The following CDH26 variants were observed in gnomAD, a reference collection of about 807,000 sequenced individuals.
CDH26 encodes the protein cadherin 26, also known as cadherin-like protein 26.
In CDH26, 83 loss-of-function variants were observed where a neutral mutation model predicts 90.3. The observed-to-expected ratio is 0.92, with a 90% CI of 0.77 to 1.10. CDH26 has a LOEUF of 1.10. Among genes scored for constraint, CDH26 ranks in the 50% least tolerant of loss-of-function variants. The probability of loss-of-function intolerance (pLI) is 0.00; values close to 1 mark genes in which losing one functional copy is unlikely to be tolerated. For missense variants in CDH26, 1,013 were observed against 1,037.6 expected, an observed-to-expected ratio of 0.98 and a Z score of 0.33; for synonymous variants, 397 against 396.3, an observed-to-expected ratio of 1.00 and a Z score of -0.02.
exon 9 of CDH26, chr20:60,033,660 G>C (rs1195122313): frequency 1.5e-6 from 2 of 1,304,502 alleles, no homozygotes; most frequent in Non-Finnish European, 2.0e-6. Flanking sequence ...CACAATTGCA[G>C]GGCTGTCTCA....
intron 13 of CDH26, among the ~76,000 whole-genome samples, chr20:59,999,257 GCCATCA>G (rs912850598): frequency 6.6e-6 from 1 of 152,132 alleles, no homozygotes; most frequent in African/African-American, 2.4e-5. Flanking sequence ...GACCCCAAGA[GCCATCA>G]CCATGAGCCC....
chr20:60,021,873 C>CACACACACACATACACAG (rs1425142542), intron 7 of CDH26, among the ~76,000 whole-genome samples: 2 of 105,310 alleles, frequency 1.9e-5, no homozygotes, highest in East Asian at 4.4e-4. Context: ...CACACACACA[C>CACACACACACATACACAG]ACACACACAC....
chr20:59,971,236 C>T (rs76261142), intron 3 of CDH26, among the ~76,000 whole-genome samples: 3,307 of 152,240 alleles, frequency 0.022, 123 homozygotes, highest in African/African-American at 0.076. Flanking sequence ...GTTTTCAAGT[C>T]TCAGTGGTTA....
At position 60,030,964 on chromosome 20, in the gene CDH26, AG is replaced by A. The variant is rs1342909300; in HGVS notation, c.948-265del. ...GAAAGCAAGTTTATTAAGAAGGTAA[AG>A]GAATAAAAGAATGGCTACTCCATAG... On this transcript the variant is annotated intron_variant, in intron 7 of 8. Coordinates refer to the CDH26 transcript ENST00000370991. This position sits in a 1 kb window ranked among gnomAD's most constrained non-coding sequence, Gnocchi z 4.0. Among the ~76,000 whole-genome samples, 1 of 152,250 alleles carries A rather than the reference AG, an allele frequency of 6.6e-6. No individual in the cohort carries two copies. The highest frequency in any genetic ancestry group is 1.5e-5 in the Non-Finnish European group (1 of 68,048).
intron 7 of CDH26, among the ~76,000 whole-genome samples, chr20:60,027,079 G>A (rs2062003511): frequency 6.6e-6 from 1 of 152,198 alleles, no homozygotes; most frequent in Non-Finnish European, 1.5e-5. Flanking sequence ...GGGGCATGCG[G>A]AGGGTAGGGG....
downstream of CDH26, among the ~76,000 whole-genome samples, chr20:60,015,782 C>T (rs1317302312): frequency 6.6e-6 from 1 of 152,108 alleles, no homozygotes; most frequent in African/African-American, 2.4e-5. Context: ...CTTTGATCCA[C>T]TTTGAGTTGA....
rs981580525 is a variant in CDH26, at chr20:59,982,832, G to C, written c.394-91G>C. 6.9e-6 allele frequency: 10 copies of C among 1,449,544 alleles called. No homozygotes were observed. In the African/African-American group the frequency reaches 1.1e-4, roughly 16 times the overall value. The allele number at this position is 1,449,544 out of a possible 1,614,324, so 89.8% of individuals were successfully genotyped here. On this transcript the variant is annotated intron_variant, in intron 4 of 17. Coordinates refer to ENST00000348616, the MANE Select transcript of CDH26 (RefSeq NM_177980.4). ...AACTCTCAGTCTAGAGGAGGAGACA[G>C]ACGTAACACATAATTAGGATAACAG...
chr20:59,964,887 G>A (rs2061126633), intron 1 of CDH26, among the ~76,000 whole-genome samples: 1 of 152,218 alleles, frequency 6.6e-6, no homozygotes, highest in African/African-American at 2.4e-5. Flanking sequence ...CTGAGGCCCA[G>A]AGGGAACAAG....
At position 59,996,778 on chromosome 20, in the gene CDH26, C is replaced by T. The variant is rs377398732; in HGVS notation, c.2019+17C>T. 6.9e-5 allele frequency: 112 copies of T among 1,614,014 alleles called. No homozygotes were observed. Among genetic ancestry groups the T allele is most frequent in the Non-Finnish European group, 9.0e-5 (106 of 1,179,998 alleles). Reference sequence around the variant, plus strand: ...TCAGCCCAGGTAGTGGAATGTCATGCTTTGTGTCTTATGGCAAGGAATTCA... The same window carrying T: ...TCAGCCCAGGTAGTGGAATGTCATGTTTTGTGTCTTATGGCAAGGAATTCA... On this transcript the variant is annotated intron_variant, in intron 13 of 17. Transcript: ENST00000348616.
At chr20:59,961,492 A>T (rs2061073277) in intron 1 of CDH26, among the ~76,000 whole-genome samples, 1 of 152,176 alleles carries the variant, frequency 6.6e-6, no homozygotes. Context: ...ATAATTGTCA[A>T]ATTGGCTATG....
At chr20:59,976,546 AG>A (rs1328257556) in intron 4 of CDH26, among the ~76,000 whole-genome samples, 1 of 152,244 alleles carries the variant, frequency 6.6e-6, no homozygotes, top group Non-Finnish European at 1.5e-5. Context: ...GCCAGAAGTC[AG>A]GGTGATTAAG....
At chr20:59,960,755 T>C (rs1489397045) in intron 1 of CDH26, among the ~76,000 whole-genome samples, 1 of 152,202 alleles carries the variant, frequency 6.6e-6, no homozygotes, top group African/African-American at 2.4e-5. Flanking sequence ...GCACACATAT[T>C]CCCATGGATA....
Position 59,988,890 on chromosome 20 carries a change from C to G in CDH26, c.1024-14C>G. 6.2e-7 allele frequency: 1 copy of G among 1,611,904 alleles called. No homozygotes were observed. The highest frequency in any genetic ancestry group is 8.5e-7 in the Non-Finnish European group (1 of 1,178,394). Reference sequence around the variant, plus strand: ...GCAGCAGGTGCTAATGAAATCCTCTCTCTGGGGTTCCAGCCTTTGGATTAT... The same window carrying G: ...GCAGCAGGTGCTAATGAAATCCTCTGTCTGGGGTTCCAGCCTTTGGATTAT... On this transcript the variant is annotated splice_polypyrimidine_tract_variant and intron_variant, in intron 8 of 17. Transcript: ENST00000348616.
At chr20:59,982,407 A>G (rs1184668670) in intron 4 of CDH26, among the ~76,000 whole-genome samples, 2 of 152,226 alleles carry the variant, frequency 1.3e-5, no homozygotes, top group African/African-American at 4.8e-5. Flanking sequence ...TCACACATGC[A>G]TATTTGACGT....
chr20:60,011,978 GAGGGC>G (rs2061849730), intron 17 of CDH26, among the ~76,000 whole-genome samples: 1 of 152,188 alleles, frequency 6.6e-6, no homozygotes, highest in Non-Finnish European at 1.5e-5. Flanking sequence ...GGGGAGACTG[GAGGGC>G]AGTGGTTTGA....
chr20:60,012,911 C>T lies in CDH26; in HGVS notation c.*181C>T, dbSNP rs2061867299. On this transcript the variant is annotated 3_prime_UTR_variant, in exon 18 of 18. Coordinates refer to ENST00000348616, the MANE Select transcript of CDH26 (RefSeq NM_177980.4). ...ATATTCTCAGATCAGCCATCTTGAA[C>T]CAAAGCAAAACCACAAGTTACACTT... is the stretch of plus-strand genomic sequence containing the variant. 2 of 555,160 alleles carry T rather than the reference C, an allele frequency of 3.6e-6. No individual in the cohort carries two copies. Among genetic ancestry groups the T allele is most frequent in the Non-Finnish European group, 6.2e-6 (2 of 323,550 alleles). The allele number at this position is 555,160 out of a possible 1,614,324, so 34.4% of individuals were successfully genotyped here. A position where few individuals can be genotyped will look rare whatever the true frequency, so the allele number is the denominator to read the frequency against.
downstream of CDH26, among the ~76,000 whole-genome samples, chr20:60,034,323 A>G (rs1169020411): frequency 6.6e-6 from 1 of 152,220 alleles, no homozygotes; most frequent in Non-Finnish European, 1.5e-5. Context: ...TGTGTCAGGA[A>G]CTGTGGGGCC....
chr20:59,980,021 G>A lies in CDH26; in HGVS notation c.394-2902G>A, dbSNP rs146105194. ...GATCACATAAGTGTATGTTTAACTC[G>A]ATAAGCAATTCCCAAACGATTTCTC... is the stretch of plus-strand genomic sequence containing the variant. On this transcript the variant is annotated intron_variant, in intron 4 of 17. Coordinates refer to ENST00000348616, the MANE Select transcript of CDH26 (RefSeq NM_177980.4). 2.2e-4 allele frequency among the ~76,000 whole-genome samples: 34 copies of A among 152,196 alleles called. No homozygotes were observed. In the East Asian group the frequency reaches 3.9e-3, roughly 17 times the overall value.
chr20:60,002,961 A>T (rs886728280), intron 16 of CDH26, 95 bp downstream of exon 16: 7 of 867,098 alleles, frequency 8.1e-6, no homozygotes, highest in Non-Finnish European at 1.2e-5. Context: ...TTTGGAAGGA[A>T]AGAGGTGATA....
Sources: allele counts gnomAD v4.1 joint callset (sites outside exome capture counted in the v4.1 genomes callset), GRCh38; gene constraint gnomAD v4.1.1; non-coding constraint Gnocchi (gnomAD v3.1); transcripts MANE v1.5; gene names NCBI Gene and HGNC (gene_info 2026-07-23, HGNC 2026-07-21).